Variants in PDZRN3 observed in about 807,000 individuals in gnomAD.
The protein encoded by PDZRN3 is PDZ domain containing ring finger 3.
A neutral mutation model predicts 85.7 loss-of-function variants in PDZRN3; 38 were observed. The ratio of observed to expected loss-of-function variants is 0.44; its 90% CI spans 0.34 to 0.58. The LOEUF is 0.58. PDZRN3 is among the 20% of genes least tolerant of loss of function. PDZRN3 has a pLI of 0.01. For missense variants in PDZRN3, 1,629 were observed against 1,506.4 expected, an observed-to-expected ratio of 1.08 and a Z score of -1.35; for synonymous variants, 759 against 638.0, an observed-to-expected ratio of 1.19 and a Z score of -2.86.
chr3:73,427,548 C>T (rs144221116), intron 3 of PDZRN3, among the ~76,000 whole-genome samples: 4 of 152,264 alleles, frequency 2.6e-5, no homozygotes, highest in African/African-American at 7.2e-5. Context: ...TTTCCTTCTG[C>T]ATGCCATGGC....
In PDZRN3 at chr3:73,384,776, G is replaced by C; in HGVS notation, c.1790C>G (p.Ser597Cys). The C allele has an allele frequency of 6.2e-7, 1 of 1,613,962 alleles. No individual in the cohort carries two copies. The highest frequency in any genetic ancestry group is 8.5e-7 in the Non-Finnish European group (1 of 1,180,048). Residue 597 changes from serine (S) to cysteine (C), a missense_variant, in exon 10 of 10, where the codon TCC (serine) becomes TGC (cysteine). Coordinates refer to ENST00000263666, the MANE Select transcript of PDZRN3 (RefSeq NM_015009.3). ...CTTCCTCTGCCCCGCCAGCGGGTTG[G>C]AGGATGCGGTGGCGTCGTCGCCATT... ...ENNGDDATASSNPLAGQRKLT... is the reference protein window; with the variant it reads ...ENNGDDATASCNPLAGQRKLT...
intron 5 of PDZRN3, among the ~76,000 whole-genome samples, chr3:73,400,268 G>A (rs1701722462): frequency 6.6e-6 from 1 of 152,100 alleles, no homozygotes; most frequent in Admixed American, 6.5e-5. Context: ...AGTGTTTTCT[G>A]TATTTTCTAT....
intron 3 of PDZRN3, among the ~76,000 whole-genome samples, chr3:73,410,247 G>T (rs1254874936): frequency 6.6e-6 from 1 of 152,146 alleles, no homozygotes; most frequent in African/African-American, 2.4e-5. Flanking sequence ...CAAATTTATA[G>T]TCTCCTCTAG....
At chr3:73,429,849 C>A (rs1295694707) in intron 3 of PDZRN3, among the ~76,000 whole-genome samples, 1 of 152,158 alleles carries the variant, frequency 6.6e-6, no homozygotes, top group Non-Finnish European at 1.5e-5. Context: ...TACTCCGGAG[C>A]TCATTTTTCT....
intron 3 of PDZRN3, among the ~76,000 whole-genome samples, chr3:73,601,075 C>T (rs1164192676): frequency 6.6e-6 from 1 of 152,190 alleles, no homozygotes; most frequent in South Asian, 2.1e-4. Flanking sequence ...GGGAGCCTTA[C>T]ACCCTAACTA....
chr3:73,434,650 T>C (rs565052821), intron 3 of PDZRN3, among the ~76,000 whole-genome samples: 2 of 152,298 alleles, frequency 1.3e-5, no homozygotes, highest in South Asian at 2.1e-4. Context: ...CTCAGCCATA[T>C]AGATGCTGCA....
At chr3:73,388,516 G>A (rs1701447323) in intron 7 of PDZRN3, among the ~76,000 whole-genome samples, 3 of 152,314 alleles carry the variant, frequency 2.0e-5, no homozygotes, top group South Asian at 4.1e-4. Context: ...TGTGTCCCCA[G>A]TTTGACACTT....
At chr3:73,583,658 C>G (rs9310274) in intron 3 of PDZRN3, among the ~76,000 whole-genome samples, 133,486 of 152,184 alleles carry the variant, frequency 0.88, 58,576 homozygotes, top group Middle Eastern at 0.91. Context: ...AGTAAAATAG[C>G]ACAGGATGGC....
chr3:73,420,203 T>C (rs1427706070), intron 3 of PDZRN3, among the ~76,000 whole-genome samples: 2 of 152,206 alleles, frequency 1.3e-5, no homozygotes, highest in African/African-American at 2.4e-5. Context: ...CTGCTCCATA[T>C]TGAGATGACT....
At chr3:73,518,978 A>G (rs551925359) in intron 3 of PDZRN3, among the ~76,000 whole-genome samples, 32 of 152,366 alleles carry the variant, frequency 2.1e-4, no homozygotes, top group Admixed American at 7.2e-4. Context: ...AAGATGAATC[A>G]GGTCTAATTG....
rs1702948980 is a variant in PDZRN3, at chr3:73,624,923, C to T, written c.-98G>A. On this transcript the variant is annotated 5_prime_UTR_variant, in exon 1 of 10. Transcript: ENST00000263666. ...AGGCCGGCTACGCCGCCCGCGCGCT[C>T]GCTGGCTCTCCCCGGACTGAGCCTA... 1 of 941,274 alleles carries T rather than the reference C, an allele frequency of 1.1e-6. No homozygotes were observed. Among genetic ancestry groups the T allele is most frequent in the East Asian group, 3.5e-5 (1 of 28,690 alleles). The allele number at this position is 941,274 out of a possible 1,614,324, so 58.3% of individuals were successfully genotyped here. A position where few individuals can be genotyped will look rare whatever the true frequency, so the allele number is the denominator to read the frequency against.
chr3:73,529,483 T>C lies in PDZRN3; in HGVS notation c.918+72871A>G, dbSNP rs140457191. Reference sequence around the variant, plus strand: ...TGTACCCCTGCTACAGTGAGAACGTTTGCACTGCCACCTTTGGGACTCCTT... The same window carrying C: ...TGTACCCCTGCTACAGTGAGAACGTCTGCACTGCCACCTTTGGGACTCCTT... On this transcript the variant is annotated intron_variant, in intron 3 of 9. Coordinates refer to ENST00000263666, the MANE Select transcript of PDZRN3 (RefSeq NM_015009.3). Among the ~76,000 whole-genome samples the C allele has an allele frequency of 7.2e-5, 11 of 152,328 alleles. No homozygotes were observed. The East Asian group carries it at 1.4e-3, about 19-fold the overall frequency.
Position 73,384,696 on chromosome 3 carries a change from A to T in PDZRN3, c.1870T>A (p.Ser624Thr). The change falls in exon 10 of 10, where the codon TCT (serine) becomes ACT (threonine). Residue 624 changes from serine (S) to threonine (T), a missense_variant. By Grantham distance (58) the Ser-to-Thr change is moderately conservative. Coordinates refer to ENST00000263666, the MANE Select transcript of PDZRN3 (RefSeq NM_015009.3). ...GSGDLPFSNE[S>T]FISADCTDAD... ...TCCGTGCAGTCGGCCGAAATGAAAG[A>T]CTCGTTGCTGAAGGGCAGGTCGCCG... 6.2e-7 allele frequency: 1 copy of T among 1,613,750 alleles called. No homozygotes were observed.
At chr3:73,613,757 GT>G (rs1702718053) in intron 1 of PDZRN3, among the ~76,000 whole-genome samples, 1 of 152,094 alleles carries the variant, frequency 6.6e-6, no homozygotes, top group African/African-American at 2.4e-5. Flanking sequence ...CAGAAGGGCA[GT>G]TCTGGTCATA....
intron 3 of PDZRN3, among the ~76,000 whole-genome samples, chr3:73,598,923 AT>A (rs1053970222): frequency 6.6e-6 from 1 of 152,182 alleles, no homozygotes; most frequent in African/African-American, 2.4e-5. Context: ...CTGCAGGGGC[AT>A]TTTTCACCAT....
intron 3 of PDZRN3, among the ~76,000 whole-genome samples, chr3:73,480,968 C>T (rs554966763): frequency 1.1e-4 from 17 of 152,292 alleles, no homozygotes; most frequent in African/African-American, 4.1e-4. Context: ...CCATTTAATG[C>T]CAATCATCCT....
chr3:73,601,664 T>C (rs559546365), intron 3 of PDZRN3, among the ~76,000 whole-genome samples: 36 of 152,320 alleles, frequency 2.4e-4, no homozygotes, highest in African/African-American at 8.7e-4. Context: ...TCCCTTTTAG[T>C]GACTCAGAGC....
intron 3 of PDZRN3, chr3:73,556,960 T>A (rs1202697365): frequency 2.6e-5 from 4 of 152,492 alleles, no homozygotes; most frequent in Non-Finnish European, 5.9e-5. Context: ...CCCTCCCACA[T>A]GCCCCTGGGA....
intron 3 of PDZRN3, among the ~76,000 whole-genome samples, chr3:73,575,171 G>T (rs1702104356): frequency 6.6e-6 from 1 of 152,156 alleles, no homozygotes; most frequent in Non-Finnish European, 1.5e-5. Context: ...TACTGACAAG[G>T]AAGAACAGGG....
Sources: gnomAD v4.1 joint callset for allele counts (sites outside exome capture counted in the v4.1 genomes callset) on GRCh38, gnomAD v4.1.1 for gene constraint, MANE v1.5 for transcripts, NCBI Gene and HGNC (gene_info 2026-07-23, HGNC 2026-07-21) for gene names.